Variants in LRRC4C observed in about 807,000 individuals in gnomAD.
LRRC4C encodes the protein leucine-rich repeat-containing protein 4C.
Under a neutral mutation model 33.6 loss-of-function variants are expected in LRRC4C, and 5 were observed. The observed-to-expected ratio is 0.15, with a 90% CI of 0.08 to 0.31. The LOEUF is 0.31. Among genes scored for constraint, LRRC4C ranks in the 10% least tolerant of loss-of-function variants. LRRC4C has a pLI of 1.00. For synonymous variants in LRRC4C, 329 were observed against 302.0 expected (o/e 1.09, Z -0.93); for missense variants, 560 against 796.7 (o/e 0.70, Z 3.58).
intron 3 of LRRC4C, among the ~76,000 whole-genome samples, chr11:40,474,845 TGTCATTAGATAAATGCAAATC>T (rs1453881091): frequency 2.6e-5 from 4 of 151,436 alleles, no homozygotes; most frequent in South Asian, 4.2e-4. Context: ...GCTCATCACT[TGTCATTAGATAAATGCAAATC>T]GTCATTAGAT....
At chr11:41,039,902 G>C (rs1237734485) in intron 1 of LRRC4C, among the ~76,000 whole-genome samples, 1 of 151,972 alleles carries the variant, frequency 6.6e-6, no homozygotes, top group African/African-American at 2.4e-5. Flanking sequence ...AGCACTTTGG[G>C]AGGCCGAGGC....
intron 2 of LRRC4C, among the ~76,000 whole-genome samples, chr11:40,798,645 CTT>C (rs11341571): frequency 9.3e-4 from 128 of 137,732 alleles, no homozygotes; most frequent in African/African-American, 2.8e-3. Context: ...TTCTTTCTTT[CTT>C]TTTTTTTTTT....
intron 3 of LRRC4C, among the ~76,000 whole-genome samples, chr11:40,422,318 G>A (rs1205292809): frequency 6.6e-6 from 1 of 152,142 alleles, no homozygotes; most frequent in Non-Finnish European, 1.5e-5. Context: ...GGTGAGAGGT[G>A]ACAGGACAAA....
chr11:40,799,554 A>G (rs913416083), intron 2 of LRRC4C, among the ~76,000 whole-genome samples: 3 of 152,080 alleles, frequency 2.0e-5, no homozygotes, highest in African/African-American at 7.2e-5. Flanking sequence ...GAGTGTAGTG[A>G]TGCCTCCTGG....
chr11:40,176,043 G>C (rs1455003100), intron 5 of LRRC4C, among the ~76,000 whole-genome samples: 1 of 152,008 alleles, frequency 6.6e-6, no homozygotes, highest in Non-Finnish European at 1.5e-5. Context: ...TGATACAAGA[G>C]CTATTCCAGC....
intron 1 of LRRC4C, among the ~76,000 whole-genome samples, chr11:41,088,421 A>G (rs567544676): frequency 2.0e-5 from 3 of 151,456 alleles, no homozygotes; most frequent in African/African-American, 7.3e-5. Context: ...GTAAAGAATT[A>G]TAGTTGTCAT....
intron 2 of LRRC4C, among the ~76,000 whole-genome samples, chr11:40,846,626 T>C (rs1953188383): frequency 6.6e-6 from 1 of 152,144 alleles, no homozygotes. Context: ...CTTAGGATTG[T>C]CTTGGCTATT....
At chr11:40,566,387 A>T (rs2135538604) in intron 3 of LRRC4C, among the ~76,000 whole-genome samples, 1 of 152,194 alleles carries the variant, frequency 6.6e-6, no homozygotes, top group East Asian at 1.9e-4. Context: ...TACTCTATAT[A>T]TCAAATTAAG....
chr11:41,078,461 G>C (rs1939317597), intron 1 of LRRC4C, among the ~76,000 whole-genome samples: 1 of 152,126 alleles, frequency 6.6e-6, no homozygotes, highest in African/African-American at 2.4e-5. Flanking sequence ...AGTTTCACAG[G>C]CTTAACAAGA....
At chr11:41,372,262 A>G (rs1952778791) in intron 1 of LRRC4C, among the ~76,000 whole-genome samples, 2 of 152,248 alleles carry the variant, frequency 1.3e-5, no homozygotes, top group South Asian at 4.1e-4. Context: ...ACAAAAAGAG[A>G]GCAACTAAGT....
chr11:41,181,589 T>C (rs1427638907), intron 1 of LRRC4C, among the ~76,000 whole-genome samples: 1 of 152,172 alleles, frequency 6.6e-6, no homozygotes, highest in Non-Finnish European at 1.5e-5. Flanking sequence ...AATTAAAGGG[T>C]GAGGATCAAT....
At chr11:40,684,553 G>A (rs1342858465) in intron 2 of LRRC4C, among the ~76,000 whole-genome samples, 1 of 151,936 alleles carries the variant, frequency 6.6e-6, no homozygotes, top group Non-Finnish European at 1.5e-5. Context: ...AATCTTGGCA[G>A]AGTAATAAAC....
chr11:41,188,717 A>G (rs2136198012), intron 1 of LRRC4C, among the ~76,000 whole-genome samples: 1 of 152,062 alleles, frequency 6.6e-6, no homozygotes, highest in Non-Finnish European at 1.5e-5. Flanking sequence ...AAAAAAAAAA[A>G]AAAAAGAGTA....
chr11:41,231,746 C>A (rs567052916), intron 1 of LRRC4C, among the ~76,000 whole-genome samples: 1 of 151,558 alleles, frequency 6.6e-6, no homozygotes, highest in Non-Finnish European at 1.5e-5. Context: ...CACATGTACC[C>A]TAGAACTTAA....
At chr11:40,517,197 A>G (rs1232624591) in intron 3 of LRRC4C, among the ~76,000 whole-genome samples, 1 of 152,190 alleles carries the variant, frequency 6.6e-6, no homozygotes, top group Non-Finnish European at 1.5e-5. Context: ...CAGAAAATAC[A>G]ATATGCTAAT....
intron 3 of LRRC4C, among the ~76,000 whole-genome samples, chr11:40,546,105 C>T (rs572100703): frequency 6.6e-6 from 1 of 150,562 alleles, no homozygotes; most frequent in South Asian, 2.1e-4. Flanking sequence ...TTCCTTCCTT[C>T]CTTCCTTCCT....
chr11:40,706,739 T>G lies in LRRC4C; in HGVS notation c.-406-58461A>C, dbSNP rs376777315. 6.0e-4 allele frequency among the ~76,000 whole-genome samples: 91 copies of G among 152,328 alleles called. No homozygotes were observed. The South Asian group carries it at 0.018, about 31-fold the overall frequency. ...AACTTTAAGGTAGTTTTTCTAATTC[T>G]GTGAAGAAAGTCATTGGTAGCTTGA... On this transcript the variant is annotated intron_variant, in intron 2 of 6. Transcript: ENST00000528697.
intron 1 of LRRC4C, among the ~76,000 whole-genome samples, chr11:41,074,212 C>T (rs901372969): frequency 6.6e-6 from 1 of 152,076 alleles, no homozygotes; most frequent in South Asian, 2.1e-4. Flanking sequence ...ACTAAGAATA[C>T]ACCACTTCTT....
chr11:40,496,907 A>G (rs562791068), intron 3 of LRRC4C, among the ~76,000 whole-genome samples: 98 of 152,302 alleles, frequency 6.4e-4, no homozygotes, highest in Admixed American at 1.6e-3. Context: ...ATTTATATGA[A>G]TGCTATGGAA....
Sources: gnomAD v4.1 joint callset for allele counts (sites outside exome capture counted in the v4.1 genomes callset) on GRCh38, gnomAD v4.1.1 for gene constraint, MANE v1.5 for transcripts, NCBI Gene and HGNC (gene_info 2026-07-23, HGNC 2026-07-21) for gene names.